The following FAM83H variants were observed in gnomAD, a reference collection of about 807,000 sequenced individuals.
The protein encoded by FAM83H is scaffolding CK1 anchoring protein H, also known as protein FAM83H.
Under a neutral mutation model 30.2 loss-of-function variants are expected in FAM83H, and 24 were observed. The observed-to-expected ratio is 0.79, with a 90% CI of 0.57 to 1.12. The LOEUF (loss-of-function observed/expected upper bound fraction) is 1.12. Among genes scored for constraint, FAM83H ranks in the 50% most tolerant of loss-of-function variants. The pLI is 0.00. For synonymous variants in FAM83H, 1,013 were observed against 821.7 expected, an observed-to-expected ratio of 1.23 and a Z score of -3.98; for missense variants, 2,038 against 1,773.9, an observed-to-expected ratio of 1.15 and a Z score of -2.67.
At position 143,726,963 on chromosome 8, in the gene FAM83H, G is replaced by T. The variant is rs1554622207; in HGVS notation, c.2498C>A (p.Ser833Tyr). Residue 833 changes from serine to tyrosine, a missense_variant, in exon 5 of 5, where the codon TCC (serine) becomes TAC (tyrosine). Coordinates refer to ENST00000388913, the MANE Select transcript of FAM83H (RefSeq NM_198488.5). ...GTGGCTCTGGGCAGAGAGGAAGCGGGAAGGCAGGCGGTCGGAGCCGCTCCG... is the reference window on the plus strand; with the variant it reads ...GTGGCTCTGGGCAGAGAGGAAGCGGTAAGGCAGGCGGTCGGAGCCGCTCCG... The part of the protein sequence containing the change: ...LGRSGSDRLP[S>Y]RFLSAQSHST... The T allele has an allele frequency of 6.2e-7, 1 of 1,607,804 alleles. No homozygotes were observed. Among genetic ancestry groups the T allele is most frequent in the Non-Finnish European group, 8.5e-7 (1 of 1,178,048 alleles).
At chr8:143,732,283 GTCC>G in intron 1 of FAM83H, 8 of 985,396 alleles carry the variant, frequency 8.1e-6, no homozygotes, top group Middle Eastern at 5.2e-4. Context: ...TTGGGGCACC[GTCC>G]TCATGGTTGA....
Position 143,726,614 on chromosome 8 carries a change from C to A in FAM83H, c.2847G>T (p.Gly949=). Residue 949 remains glycine (G), a synonymous_variant, in exon 5 of 5, where the codon GGG becomes GGT. Transcript: ENST00000388913. ...LTISGESPKA[G]PAEEGPSGPM... The stretch of plus-strand genomic sequence containing the variant: ...GGCCGCTCGGCCCCTCCTCCGCGGG[C>A]CCGGCCTTCGGGGACTCCCCGGAGA... 1.2e-6 allele frequency: 2 copies of A among 1,600,056 alleles called. No homozygotes were observed. The highest frequency in any genetic ancestry group is 4.5e-5 in the East Asian group (2 of 44,796).
At position 143,727,294 on chromosome 8, in the gene FAM83H, C is replaced by G. The variant is rs782807950; in HGVS notation, c.2167G>C (p.Gly723Arg). Residue 723 changes from glycine (G) to arginine (R), a missense_variant, in exon 5 of 5, where the codon GGA (glycine) becomes CGA (arginine). Coordinates refer to ENST00000388913, the MANE Select transcript of FAM83H (RefSeq NM_198488.5). Reference sequence around the variant, plus strand: ...GAAGCCGCGGAGCGCACGGCCTCTCCGCCGGGCCCCAGCGTCTCGCTGACC... The same window carrying G: ...GAAGCCGCGGAGCGCACGGCCTCTCGGCCGGGCCCCAGCGTCTCGCTGACC... ...QTVSETLGPGGEAVRSAASTK... is the reference protein window; with the variant it reads ...QTVSETLGPGREAVRSAASTK... 40 of 1,537,812 alleles carry G rather than the reference C, an allele frequency of 2.6e-5. No homozygotes were observed. In the African/African-American group the frequency reaches 4.9e-4, roughly 19 times the overall value.
intron 2 of FAM83H, among the ~76,000 whole-genome samples, chr8:143,729,729 A>G (rs1028926604): frequency 2.0e-5 from 3 of 152,228 alleles, no homozygotes; most frequent in East Asian, 3.9e-4. Flanking sequence ...GAAAGTCACA[A>G]GCCTTTAGCG....
chr8:143,725,435 A>C lies in FAM83H; in HGVS notation c.*486T>G. ...ACATAGTGAAACCCTGTCTCTACTAAAAATACAAAAACTACCTGGGCGTGG... is the reference window on the plus strand; with the variant it reads ...ACATAGTGAAACCCTGTCTCTACTACAAATACAAAAACTACCTGGGCGTGG... On this transcript the variant is annotated 3_prime_UTR_variant, in exon 5 of 5. Coordinates refer to ENST00000388913, the MANE Select transcript of FAM83H (RefSeq NM_198488.5). The C allele has an allele frequency of 5.7e-6, 1 of 176,732 alleles. No individual in the cohort carries two copies. The highest frequency in any genetic ancestry group is 1.2e-5 in the Non-Finnish European group (1 of 82,476). The allele number at this position is 176,732 out of a possible 1,614,324, so 10.9% of individuals were successfully genotyped here.
rs1818192660 is a variant in FAM83H at position 143,723,990 on chromosome 8, GGT to G, written c.*1929_*1930del. 6.6e-6 allele frequency: 1 copy of G among 152,260 alleles called. No homozygotes were observed. The highest frequency in any genetic ancestry group is 1.5e-5 in the Non-Finnish European group (1 of 68,058). 9.4% of individuals were successfully genotyped at this position (152,260 alleles called of 1,614,324 possible). On this transcript the variant is annotated 3_prime_UTR_variant, in exon 5 of 5. Transcript: ENST00000388913. ...ATGTGCCACATCATGGTTTAGAAGA[GGT>G]GGAGGGTGCAGGCAGGAGGCTCCGA... is the stretch of plus-strand genomic sequence containing the variant.
rs1210132008 is a variant in FAM83H at position 143,727,202 on chromosome 8, G to A, written c.2259C>T (p.Gly753=). 13 of 1,533,170 alleles carry A rather than the reference G, an allele frequency of 8.5e-6. No individual in the cohort carries two copies. Among genetic ancestry groups the A allele is most frequent in the African/African-American group, 1.4e-5 (1 of 72,910 alleles). The allele number at this position is 1,533,170 out of a possible 1,614,324, so 95.0% of individuals were successfully genotyped here. A position where few individuals can be genotyped will look rare whatever the true frequency, so the allele number is the denominator to read the frequency against. The change falls in exon 5 of 5, where the codon GGC becomes GGT. Residue 753 remains glycine, a synonymous_variant. Transcript: ENST00000388913. ...GPARDPGGGA[G]AITVASHSKA... Reference sequence around the variant, plus strand: ...TGCTGTGGCTGGCAACGGTGATGGCGCCCGCGCCGCCGCCGGGATCACGGG... The same window carrying A: ...TGCTGTGGCTGGCAACGGTGATGGCACCCGCGCCGCCGCCGGGATCACGGG...
rs1818463565 is a variant in FAM83H, at chr8:143,730,178, A to G, written c.405T>C (p.Ser135=). The change falls in exon 2 of 5, where the codon AGT becomes AGC. Residue 135 remains serine, a synonymous_variant. Transcript: ENST00000388913. The part of the protein sequence containing the change: ...LVQPPPPDSP[S]IKDEARRMIR... ...TCATCCTGCGGGCCTCATCCTTGAT[A>G]CTGGGGCTGTCGGGGGGCGGTGGCT... 3 of 1,606,934 alleles carry G rather than the reference A, an allele frequency of 1.9e-6. No homozygotes were observed. The highest frequency in any genetic ancestry group is 1.7e-5 in the Admixed American group (1 of 59,712).
At chr8:143,729,486 A>T (rs1818434610) in intron 2 of FAM83H, among the ~76,000 whole-genome samples, 163 bp from the exon 3 acceptor site, 1 of 152,168 alleles carries the variant, frequency 6.6e-6, no homozygotes, top group African/African-American at 2.4e-5. Context: ...GATGGGCAGG[A>T]AGAAGGGACC....
Position 143,726,472 on chromosome 8 carries a change from C to T in FAM83H, c.2989G>A (p.Glu997Lys). Residue 997 changes from glutamate (E) to lysine (K), a missense_variant, in exon 5 of 5, where the codon GAG (glutamate) becomes AAG (lysine). Coordinates refer to ENST00000388913, the MANE Select transcript of FAM83H (RefSeq NM_198488.5). ...CCCAGTGACAGACGCCGCGGGCTCT[C>T]GGGTTGGCCGTTCTCCTGCGGCACT... Reference protein sequence around the residue: ...FPVPQENGQPESPRRLSLGQG... With the variant: ...FPVPQENGQPKSPRRLSLGQG... The T allele has an allele frequency of 6.2e-7, 1 of 1,603,334 alleles. No individual in the cohort carries two copies. The highest frequency in any genetic ancestry group is 8.5e-7 in the Non-Finnish European group (1 of 1,178,326).
Position 143,727,521 on chromosome 8 carries a change from C to T in FAM83H, c.1940G>A (p.Ser647Asn). ...PTKVPVPGPG[S>N]GGNGPEREGP... is the part of the protein sequence containing the mutation. ...CTCGCGCTCTGGGCCGTTGCCGCCGCTGCCCGGGCCTGGCACCGGGACCTT... is the reference window on the plus strand; with the variant it reads ...CTCGCGCTCTGGGCCGTTGCCGCCGTTGCCCGGGCCTGGCACCGGGACCTT... The change falls in exon 5 of 5, where the codon AGC becomes AAC. Residue 647 changes from serine (S) to asparagine (N), a missense_variant. Transcript: ENST00000388913. 12 of 1,579,182 alleles carry T rather than the reference C, an allele frequency of 7.6e-6. No homozygotes were observed. The highest frequency in any genetic ancestry group is 1.0e-5 in the Non-Finnish European group (12 of 1,170,178).
Position 143,727,737 on chromosome 8 carries a change from C to T in FAM83H, c.1724G>A (p.Arg575Gln), listed in dbSNP as rs1554622836. The change falls in exon 5 of 5, where the codon CGG becomes CAG. Residue 575 changes from arginine (R) to glutamine (Q), a missense_variant. Transcript: ENST00000388913. ...EPERRGGPEG[R>Q]AGLRRWRLAS... ...CAAACGCCAGCGCCGCAGCCCTGCC[C>T]GCCCCTCGGGCCCGCCCCTGCGCTC... 1.6e-5 allele frequency: 24 copies of T among 1,523,376 alleles called. No homozygotes were observed. Among genetic ancestry groups the T allele is most frequent in the African/African-American group, 2.9e-5 (2 of 69,842 alleles). The allele number at this position is 1,523,376 out of a possible 1,614,324, so 94.4% of individuals were successfully genotyped here. A position where few individuals can be genotyped will look rare whatever the true frequency, so the allele number is the denominator to read the frequency against.
chr8:143,727,864 C>CGCGGGGTCCGGGCGCGAAG lies in FAM83H; in HGVS notation c.1578_1596dup (p.Gly533LeufsTer178). Reference sequence around the variant, plus strand: ...CGCGGGGCTCCGCTGGGCTCCAGGCCGCGGGGTCCGGGCGCGAAGGCGGGG... The same window carrying CGCGGGGTCCGGGCGCGAAG: ...CGCGGGGCTCCGCTGGGCTCCAGGCCGCGGGGTCCGGGCGCGAAGGCGGGGTCCGGGCGCGAAGGCGGGG... On this transcript the variant is annotated frameshift_variant, in exon 5 of 5. Coordinates refer to ENST00000388913, the MANE Select transcript of FAM83H (RefSeq NM_198488.5). LOFTEE classifies it low-confidence loss of function (END_TRUNC). 7.4e-7 allele frequency: 1 copy of CGCGGGGTCCGGGCGCGAAG among 1,342,354 alleles called. No homozygotes were observed. The highest frequency in any genetic ancestry group is 9.5e-7 in the Non-Finnish European group (1 of 1,055,672). 83.2% of individuals were successfully genotyped at this position (1,342,354 alleles called of 1,614,324 possible). A position where few individuals can be genotyped will look rare whatever the true frequency, so the allele number is the denominator to read the frequency against.
chr8:143,731,204 T>TAA (rs1818508409), intron 1 of FAM83H: 1 of 250,064 alleles, frequency 4.0e-6, no homozygotes, highest in South Asian at 1.5e-4. Flanking sequence ...ACTTTTTTCT[T>TAA]ATTTTAAGAC....
At position 143,728,077 on chromosome 8, in the gene FAM83H, G is replaced by A. The variant is rs782525455; in HGVS notation, c.1384C>T (p.Pro462Ser). 6.2e-7 allele frequency: 1 copy of A among 1,610,682 alleles called. No individual in the cohort carries two copies. Among genetic ancestry groups the A allele is most frequent in the Non-Finnish European group, 8.5e-7 (1 of 1,179,256 alleles). The change falls in exon 5 of 5, where the codon CCG (proline) becomes TCG (serine). Residue 462 changes from proline to serine, a missense_variant. By Grantham distance (74) the Pro-to-Ser change is moderately conservative. Coordinates refer to ENST00000388913, the MANE Select transcript of FAM83H (RefSeq NM_198488.5). ...TGCGGGCGCGCCGGCGTGAGCTGCGGGTCCCACTGGTACTGCTGCTGGTAG... is the reference window on the plus strand; with the variant it reads ...TGCGGGCGCGCCGGCGTGAGCTGCGAGTCCCACTGGTACTGCTGCTGGTAG... The part of the protein sequence containing the change: ...QLYQQQYQWD[P>S]QLTPARPQGL...
chr8:143,729,840 G>C (rs781960307), intron 2 of FAM83H, among the ~76,000 whole-genome samples: 1 of 152,218 alleles, frequency 6.6e-6, no homozygotes, highest in South Asian at 2.1e-4. Flanking sequence ...AAGGGCCACC[G>C]GGCAGGATGA....
Position 143,727,457 on chromosome 8 carries a change from G to T in FAM83H, c.2004C>A (p.Phe668Leu). 1 of 1,570,528 alleles carries T rather than the reference G, an allele frequency of 6.4e-7. No individual in the cohort carries two copies. The highest frequency in any genetic ancestry group is 8.6e-7 in the Non-Finnish European group (1 of 1,165,668). ...EEPGLAKQDS[F>L]RSRLNPLVQR... ...GGACCAGGGGGTTCAGGCGCGAGCG[G>T]AATGAGTCCTGCTTGGCCAGGCCAG... Residue 668 changes from phenylalanine (F) to leucine (L), a missense_variant, in exon 5 of 5, where the codon TTC becomes TTA. By Grantham distance (22) the Phe-to-Leu change is conservative. Transcript: ENST00000388913.
chr8:143,726,796 G>C lies in FAM83H; in HGVS notation c.2665C>G (p.Arg889Gly), dbSNP rs954767327. Residue 889 changes from arginine to glycine, a missense_variant, in exon 5 of 5, where the codon CGA becomes GGA. Arg to Gly is a moderately radical substitution (Grantham distance 125, BLOSUM62 -2). Transcript: ENST00000388913. The stretch of plus-strand genomic sequence containing the variant: ...AATCCTGTAGTTGGACTTCCTCTTC[G>C]AGTGGAAAACCCAGGCGTGGGGCTC... ...KGSPTPGFST[R>G]RGSPTTGFIE... is the part of the protein sequence containing the mutation. 5 of 1,612,792 alleles carry C rather than the reference G, an allele frequency of 3.1e-6. No individual in the cohort carries two copies. The highest frequency in any genetic ancestry group is 3.3e-4 in the Middle Eastern group (2 of 6,062).
chr8:143,726,482 G>A lies in FAM83H; in HGVS notation c.2979C>T (p.Asn993=), dbSNP rs376189581. 28 of 1,604,518 alleles carry A rather than the reference G, an allele frequency of 1.7e-5. No individual in the cohort carries two copies. In the East Asian group the frequency reaches 3.1e-4, roughly 18 times the overall value. The change falls in exon 5 of 5, where the codon AAC becomes AAT. Residue 993 remains asparagine (N), a synonymous_variant. Coordinates refer to ENST00000388913, the MANE Select transcript of FAM83H (RefSeq NM_198488.5). ...DEGGFPVPQE[N]GQPESPRRLS... ...GACGCCGCGGGCTCTCGGGTTGGCC[G>A]TTCTCCTGCGGCACTGGGAAGCCAC... is the stretch of plus-strand genomic sequence containing the variant.
Sources: gnomAD v4.1 joint callset for allele counts (sites outside exome capture counted in the v4.1 genomes callset) on GRCh38, gnomAD v4.1.1 for gene constraint, MANE v1.5 for transcripts, NCBI Gene and HGNC (gene_info 2026-07-23, HGNC 2026-07-21) for gene names.